Variants in FAM13B observed in about 807,000 individuals in gnomAD.
FAM13B encodes family with sequence similarity 13 member B.
Under a neutral mutation model 117.3 loss-of-function variants are expected in FAM13B, and 60 were observed. The observed-to-expected ratio is 0.51, with a 90% CI of 0.42 to 0.63. FAM13B has a LOEUF of 0.63. Among genes scored for constraint, FAM13B ranks in the 30% least tolerant of loss-of-function variants. The pLI is 0.00. For missense variants in FAM13B, 972 were observed against 1,091.9 expected (o/e 0.89, Z 1.55); for synonymous variants, 332 against 356.1 (o/e 0.93, Z 0.76).
chr5:138,027,288 G>A (rs1788679326), intron 1 of FAM13B, among the ~76,000 whole-genome samples: 1 of 152,182 alleles, frequency 6.6e-6, no homozygotes, highest in Non-Finnish European at 1.5e-5. Flanking sequence ...ACTTGTTAAA[G>A]CCAAAAAACT....
intron 6 of FAM13B, 76 bp downstream of exon 6, chr5:138,010,932 C>CAAGTCTTTAA: frequency 7.8e-7 from 1 of 1,277,724 alleles, no homozygotes; most frequent in South Asian, 1.9e-5. Context: ...ATGTCTGTGG[C>CAAGTCTTTAA]AAGTCTTTAA....
intron 23 of FAM13B, 117 bp from the exon 24 acceptor site, chr5:137,940,465 C>T: frequency 1.9e-5 from 11 of 579,756 alleles, no homozygotes; most frequent in Admixed American, 3.6e-5. Context: ...AAAAGTTGTT[C>T]TGTTAAAAAA....
intron 14 of FAM13B, 151 bp from the exon 15 acceptor site, chr5:137,954,527 C>CATGT: frequency 5.5e-6 from 2 of 360,498 alleles, no homozygotes; most frequent in Non-Finnish European, 9.2e-6. Context: ...CACACACATA[C>CATGT]ATGTGTGTGT....
At chr5:137,966,488 T>TAGAGAGAGAGAGAGAG (rs57142324) in intron 10 of FAM13B, among the ~76,000 whole-genome samples, 40 of 29,472 alleles carry the variant, frequency 1.4e-3, no homozygotes, top group Admixed American at 3.2e-3. Flanking sequence ...TATATATATA[T>TAGAGAGAGAGAGAGAG]AGAGAGAGAG....
chr5:138,012,553 T>A (rs1397152585), intron 4 of FAM13B, among the ~76,000 whole-genome samples: 1 of 152,232 alleles, frequency 6.6e-6, no homozygotes, highest in Non-Finnish European at 1.5e-5. Flanking sequence ...TAAATTCATG[T>A]TGGTTTCTGC....
At chr5:137,976,052 C>T (rs977864468) in intron 10 of FAM13B, among the ~76,000 whole-genome samples, 6 of 150,074 alleles carry the variant, frequency 4.0e-5, no homozygotes, top group Non-Finnish European at 7.4e-5. Context: ...CTCCGCCTCC[C>T]GGGTTCATGC....
At chr5:138,002,722 G>A (rs1781579502) in intron 7 of FAM13B, among the ~76,000 whole-genome samples, 1 of 135,674 alleles carries the variant, frequency 7.4e-6, no homozygotes, top group African/African-American at 2.8e-5. Context: ...CTGGAGTGCA[G>A]GGGCGACATC....
intron 10 of FAM13B, among the ~76,000 whole-genome samples, chr5:137,973,540 T>C (rs1014857440): frequency 3.9e-5 from 6 of 152,282 alleles, no homozygotes; most frequent in Admixed American, 6.5e-5. Flanking sequence ...ATTCAGGACA[T>C]AGGCATGGGC....
At chr5:137,948,863 G>T in intron 18 of FAM13B, 92 bp downstream of exon 18, 1 of 926,368 alleles carries the variant, frequency 1.1e-6, no homozygotes. Flanking sequence ...AGGAAAATCA[G>T]ACTACCTAGA....
chr5:138,037,453 G>A (rs1174849476), upstream of FAM13B, among the ~76,000 whole-genome samples: 2 of 150,650 alleles, frequency 1.3e-5, no homozygotes, highest in East Asian at 1.9e-4. Context: ...CAGCATATCT[G>A]CCTCCCCAAG....
intron 4 of FAM13B, among the ~76,000 whole-genome samples, chr5:138,017,187 G>A (rs558730581): frequency 6.6e-6 from 1 of 152,282 alleles, no homozygotes; most frequent in South Asian, 2.1e-4. Context: ...CAAGTTCAAA[G>A]TAAGCCTTAT....
intron 1 of FAM13B, among the ~76,000 whole-genome samples, chr5:138,032,549 G>A (rs1042869407): frequency 3.9e-5 from 6 of 152,172 alleles, no homozygotes; most frequent in African/African-American, 1.4e-4. Context: ...GCAAATCCAA[G>A]GCTGCCACAC....
intron 13 of FAM13B, among the ~76,000 whole-genome samples, chr5:137,957,365 A>C (rs1479275126): frequency 2.0e-5 from 3 of 151,988 alleles, no homozygotes; most frequent in Non-Finnish European, 2.9e-5. Flanking sequence ...AACACAGAGA[A>C]ACTCCGTCTC....
At chr5:137,976,235 G>A (rs1056264862) in intron 10 of FAM13B, among the ~76,000 whole-genome samples, 1 of 152,016 alleles carries the variant, frequency 6.6e-6, no homozygotes, top group Admixed American at 6.6e-5. Context: ...GATTACAGGC[G>A]TGAACCACCA....
chr5:138,010,965 A>AAAG, intron 6 of FAM13B, 43 bp downstream of exon 6: 1 of 1,401,472 alleles, frequency 7.1e-7, no homozygotes, highest in Non-Finnish European at 9.2e-7. Context: ...CTTAAAAAAA[A>AAAG]AAAAAAAAAA....
At chr5:138,020,346 G>A (rs371608591) in intron 2 of FAM13B, among the ~76,000 whole-genome samples, 9 of 152,274 alleles carry the variant, frequency 5.9e-5, no homozygotes, top group South Asian at 4.1e-4. Context: ...GGCACAAGCC[G>A]TTGTGCCTGT....
At chr5:138,026,894 G>T (rs1014768773) in intron 1 of FAM13B, among the ~76,000 whole-genome samples, 28 of 150,710 alleles carry the variant, frequency 1.9e-4, no homozygotes, top group Non-Finnish European at 3.4e-4. Flanking sequence ...AGCCGAGATC[G>T]CGCCATTGCA....
At chr5:137,978,377 A>G (rs56316096) in intron 10 of FAM13B, among the ~76,000 whole-genome samples, 26,956 of 152,052 alleles carry the variant, frequency 0.18, 2,504 homozygotes, top group African/African-American at 0.21. Flanking sequence ...TGTGTTTTCC[A>G]GGAAGTTTAC....
At chr5:138,016,120 C>G (rs945853985) in intron 4 of FAM13B, among the ~76,000 whole-genome samples, 1 of 152,190 alleles carries the variant, frequency 6.6e-6, no homozygotes, top group African/African-American at 2.4e-5. Flanking sequence ...AATATCAACA[C>G]AGTACATGGT....
Sources: gnomAD v4.1 joint callset for allele counts (sites outside exome capture counted in the v4.1 genomes callset) on GRCh38, gnomAD v4.1.1 for gene constraint, MANE v1.5 for transcripts, NCBI Gene and HGNC (gene_info 2026-07-23, HGNC 2026-07-21) for gene names.